The following ASTN2 variants were observed in gnomAD, a reference collection of about 807,000 sequenced individuals.
The protein encoded by ASTN2 is astrotactin-2.
A neutral mutation model predicts 139.8 loss-of-function variants in ASTN2; 54 were observed. The observed-to-expected ratio is 0.39, with a 90% CI of 0.31 to 0.48. The LOEUF (loss-of-function observed/expected upper bound fraction) is 0.48, where lower values mean the gene tolerates loss of function less well. Among genes scored for constraint, ASTN2 ranks in the 20% least tolerant of loss-of-function variants. ASTN2 has a pLI of 0.95. For missense variants in ASTN2, 1,565 were observed against 1,725.1 expected (o/e 0.91, Z 1.64); for synonymous variants, 756 against 719.5 (o/e 1.05, Z -0.81).
rs538244109 is a variant in ASTN2 at position 117,241,201 on chromosome 9, C to T, written c.631-26459G>A. 7.2e-5 allele frequency among the ~76,000 whole-genome samples: 11 copies of T among 152,274 alleles called. No homozygotes were observed. In the South Asian group the frequency reaches 1.5e-3, roughly 20 times the overall value. ...TTTCAGAGTTGACACAGTAGCTCCT[C>T]GGAGTCGGCATGACTCATGAGTTCT... On this transcript the variant is annotated intron_variant, in intron 2 of 22. Transcript: ENST00000313400.
chr9:116,672,961 C>A (rs1266335054), intron 16 of ASTN2, among the ~76,000 whole-genome samples: 1 of 152,164 alleles, frequency 6.6e-6, no homozygotes, highest in Non-Finnish European at 1.5e-5. Flanking sequence ...TGTTTTACAA[C>A]CAATTGAGAC....
At chr9:117,121,335 C>T (rs905114845) in intron 4 of ASTN2, among the ~76,000 whole-genome samples, 1 of 152,276 alleles carries the variant, frequency 6.6e-6, no homozygotes, top group African/African-American at 2.4e-5. Context: ...TATGAAGAAT[C>T]GGGGGTTCAC....
intron 1 of ASTN2, among the ~76,000 whole-genome samples, chr9:117,320,648 C>T (rs1315906803): frequency 1.3e-5 from 2 of 152,156 alleles, no homozygotes; most frequent in African/African-American, 4.8e-5. Flanking sequence ...ACTAGAACCA[C>T]CACTTTGTGC....
At chr9:116,600,186 T>C (rs1292457868) in intron 19 of ASTN2, among the ~76,000 whole-genome samples, 1 of 146,990 alleles carries the variant, frequency 6.8e-6, no homozygotes, top group African/African-American at 2.5e-5. Flanking sequence ...TAGCCAAGAG[T>C]GGTGATGCAT....
chr9:116,600,701 A>G (rs10114749), intron 19 of ASTN2, among the ~76,000 whole-genome samples: 3,440 of 152,288 alleles, frequency 0.023, 134 homozygotes, highest in African/African-American at 0.078. Flanking sequence ...ACTCTTTACC[A>G]TGACTTAAAT....
intron 16 of ASTN2, among the ~76,000 whole-genome samples, chr9:116,652,039 C>T (rs1266206456): frequency 6.6e-6 from 1 of 152,040 alleles, no homozygotes; most frequent in Admixed American, 6.5e-5. Flanking sequence ...CTCATTTTTC[C>T]CGTATGTAAA....
chr9:117,087,714 AAGG>A (rs1407066822), intron 5 of ASTN2, among the ~76,000 whole-genome samples: 1 of 152,170 alleles, frequency 6.6e-6, no homozygotes, highest in Non-Finnish European at 1.5e-5. Flanking sequence ...AACAAGCCCA[AAGG>A]AGAACAGAAG....
intron 10 of ASTN2, among the ~76,000 whole-genome samples, chr9:116,909,716 G>A (rs1293581856): frequency 6.6e-6 from 1 of 152,206 alleles, no homozygotes; most frequent in Admixed American, 6.5e-5. Context: ...AGAGTGAGCT[G>A]CCTGTGAGGT....
At chr9:116,694,534 C>T (rs1454360163) in intron 16 of ASTN2, among the ~76,000 whole-genome samples, 1 of 142,856 alleles carries the variant, frequency 7.0e-6, no homozygotes, top group African/African-American at 2.6e-5. Flanking sequence ...CGTCTCGGCT[C>T]ACTGCAAGCT....
At position 117,348,963 on chromosome 9, in the gene ASTN2, A is replaced by C. The variant is rs1829307815; in HGVS notation, c.443-57450T>G. Among the ~76,000 whole-genome samples, 3 of 151,968 alleles carry C rather than the reference A, an allele frequency of 2.0e-5. No individual in the cohort carries two copies. The South Asian group carries it at 6.2e-4, about 32-fold the overall frequency. On this transcript the variant is annotated intron_variant, in intron 1 of 22. Transcript: ENST00000313400. ...TGCCCCATTAACTTGGAAAAGAAGA[A>C]TTGCTGGAAAAGGTGGAGGAAAGTC... is the stretch of plus-strand genomic sequence containing the variant.
At chr9:116,598,013 T>C (rs1464714837) in intron 19 of ASTN2, among the ~76,000 whole-genome samples, 1 of 152,184 alleles carries the variant, frequency 6.6e-6, no homozygotes, top group Non-Finnish European at 1.5e-5. Context: ...CTTGCCTTCA[T>C]TGTTGGTTAA....
At chr9:117,174,123 CTAGATAGATAGATAGATAGATAGA>C (rs35789854) in intron 3 of ASTN2, among the ~76,000 whole-genome samples, 2 of 146,848 alleles carry the variant, frequency 1.4e-5, no homozygotes, top group Non-Finnish European at 3.0e-5. Flanking sequence ...AGCTAGCTAA[CTAGATAGATAGATAGATAGATAGA>C]TAGATAGATA....
At chr9:116,821,426 C>T (rs1831481185) in intron 11 of ASTN2, among the ~76,000 whole-genome samples, 1 of 152,176 alleles carries the variant, frequency 6.6e-6, no homozygotes, top group Admixed American at 6.5e-5. Context: ...GAATTACCTT[C>T]CTTCCTGTCT....
intron 19 of ASTN2, among the ~76,000 whole-genome samples, chr9:116,614,463 C>T (rs563471062): frequency 6.6e-6 from 1 of 152,268 alleles, no homozygotes; most frequent in East Asian, 1.9e-4. Flanking sequence ...CACTACCTGA[C>T]TTCAAACTAT....
At chr9:116,478,156 AAGGGAAGGAGG>A (rs1322848725) in intron 20 of ASTN2, among the ~76,000 whole-genome samples, 5 of 120,554 alleles carry the variant, frequency 4.1e-5, no homozygotes, top group Non-Finnish European at 8.8e-5. Context: ...TACAGGAAGG[AAGGGAAGGAGG>A]AGGGAAGGGG....
chr9:117,165,370 G>C (rs1332936111), intron 3 of ASTN2, among the ~76,000 whole-genome samples: 1 of 152,114 alleles, frequency 6.6e-6, no homozygotes, highest in East Asian at 1.9e-4. Flanking sequence ...TCTTCCTGAA[G>C]GTCATCTGGG....
At chr9:117,383,154 TATC>T (rs1386771593) in intron 1 of ASTN2, among the ~76,000 whole-genome samples, 1 of 152,232 alleles carries the variant, frequency 6.6e-6, no homozygotes, top group Non-Finnish European at 1.5e-5. Flanking sequence ...GGTCACAAAA[TATC>T]ATTCTTCTTT....
chr9:116,650,063 G>A (rs1189372190), intron 17 of ASTN2, among the ~76,000 whole-genome samples: 1 of 152,104 alleles, frequency 6.6e-6, no homozygotes, highest in African/African-American at 2.4e-5. Flanking sequence ...ACACCCTCCA[G>A]CACTTAGCCA....
chr9:117,255,992 T>C (rs1318111928), intron 2 of ASTN2, among the ~76,000 whole-genome samples: 1 of 152,178 alleles, frequency 6.6e-6, no homozygotes, highest in African/African-American at 2.4e-5. Flanking sequence ...AAAGCAAATT[T>C]GGTCTGAATG....
Sources: gnomAD v4.1 joint callset for allele counts (sites outside exome capture counted in the v4.1 genomes callset) on GRCh38, gnomAD v4.1.1 for gene constraint, MANE v1.5 for transcripts, NCBI Gene and HGNC (gene_info 2026-07-23, HGNC 2026-07-21) for gene names.